DDAH1: variants seen among roughly 807,000 people sequenced by gnomAD.
The protein encoded by DDAH1 is dimethylarginine dimethylaminohydrolase 1, also known as N(G),N(G)-dimethylarginine dimethylaminohydrolase 1.
In DDAH1, 19 loss-of-function variants were observed where a neutral mutation model predicts 28.8. That is an observed-to-expected ratio of 0.66 (90% CI 0.46 to 0.97). The LOEUF is 0.97. Ranked by LOEUF, DDAH1 falls within the 50% of genes least tolerant of loss-of-function variation. DDAH1 has a pLI of 0.00. For synonymous variants in DDAH1, 153 were observed against 154.4 expected (o/e 0.99, Z 0.07); for missense variants, 326 against 375.9 (o/e 0.87, Z 1.10).
intron 1 of DDAH1, among the ~76,000 whole-genome samples, chr1:85,433,619 A>G (rs908864740): frequency 4.1e-4 from 63 of 152,330 alleles, no homozygotes; most frequent in Non-Finnish European, 8.2e-4. Flanking sequence ...CTGGAAAAAA[A>G]TTGAGCAACT....
chr1:85,398,339 C>G (rs977784138), intron 1 of DDAH1: 1 of 152,168 alleles, frequency 6.6e-6, no homozygotes, highest in Admixed American at 6.5e-5. Flanking sequence ...ACAAATTAGT[C>G]TTACTCTGAT....
intron 1 of DDAH1, among the ~76,000 whole-genome samples, chr1:85,364,902 T>G (rs1159930155): frequency 6.6e-6 from 1 of 152,132 alleles, no homozygotes; most frequent in Non-Finnish European, 1.5e-5. Context: ...CGAACAGACA[T>G]TTTGTGTACT....
At chr1:85,503,538 T>G (rs879302093) in intron 1 of DDAH1, among the ~76,000 whole-genome samples, 1 of 149,204 alleles carries the variant, frequency 6.7e-6, no homozygotes, top group African/African-American at 2.4e-5. Flanking sequence ...TCTATCTATC[T>G]ATCTATCTAT....
At chr1:85,576,893 C>G (rs12058326) in intron 1 of DDAH1, 136,981 of 152,660 alleles carry the variant, frequency 0.9, 61,592 homozygotes, top group South Asian at 0.94. Context: ...GGGCGCGGGC[C>G]GCCGCGGCGC....
At chr1:85,407,634 T>TGC (rs1274746931) in intron 1 of DDAH1, among the ~76,000 whole-genome samples, 14 of 152,208 alleles carry the variant, frequency 9.2e-5, no homozygotes, top group Non-Finnish European at 1.6e-4. Flanking sequence ...AAAATAATGG[T>TGC]TTCCTATTCA....
At chr1:85,521,634 C>T (rs1570637836) in intron 1 of DDAH1, 1 of 984,718 alleles carries the variant, frequency 1.0e-6, no homozygotes, top group African/African-American at 1.8e-5. Flanking sequence ...TATCTAGATG[C>T]CTTCCCCCGT....
intron 1 of DDAH1, among the ~76,000 whole-genome samples, chr1:85,541,793 G>C (rs1468402941): frequency 6.6e-6 from 1 of 152,172 alleles, no homozygotes; most frequent in African/African-American, 2.4e-5. Flanking sequence ...TGGTAAAAGA[G>C]ACCTCAGAGA....
At chr1:85,479,323 G>A (rs1235761552) in intron 2 of DDAH1, among the ~76,000 whole-genome samples, 4 of 151,154 alleles carry the variant, frequency 2.6e-5, no homozygotes, top group Admixed American at 1.3e-4. Context: ...ACAGGCGCCC[G>A]CCACCGCGCC....
intron 1 of DDAH1, among the ~76,000 whole-genome samples, chr1:85,511,959 A>C (rs1242033667): frequency 6.6e-6 from 1 of 152,232 alleles, no homozygotes; most frequent in Non-Finnish European, 1.5e-5. Flanking sequence ...AAACTATTCC[A>C]ATCAATAGAA....
At chr1:85,577,210 C>T (rs939776714) in intron 1 of DDAH1, among the ~76,000 whole-genome samples, 4 of 152,100 alleles carry the variant, frequency 2.6e-5, no homozygotes, top group African/African-American at 7.2e-5. Flanking sequence ...CTCTCCGCTC[C>T]CTCCGCAGGG....
intron 1 of DDAH1, among the ~76,000 whole-genome samples, chr1:85,387,625 C>G (rs907263241): frequency 6.6e-6 from 1 of 152,198 alleles, no homozygotes; most frequent in African/African-American, 2.4e-5. Context: ...AAGTTCCAAA[C>G]TTTCCCTTGT....
intron 1 of DDAH1, among the ~76,000 whole-genome samples, chr1:85,439,899 G>A (rs1163722132): frequency 6.6e-6 from 1 of 152,160 alleles, no homozygotes; most frequent in Non-Finnish European, 1.5e-5. Context: ...ATGCTAATAA[G>A]ACTACAGCAT....
Position 85,321,338 on chromosome 1 carries a change from A to C in DDAH1, c.*114T>G. On this transcript the variant is annotated 3_prime_UTR_variant, in exon 6 of 6. Coordinates refer to ENST00000284031, the MANE Select transcript of DDAH1 (RefSeq NM_012137.4). ...CAACTTAGAATCAAATTTTGTAAACAAGAGTTAGTAGCACAGTGGCACAGT... is the reference window on the plus strand; with the variant it reads ...CAACTTAGAATCAAATTTTGTAAACCAGAGTTAGTAGCACAGTGGCACAGT... 1.4e-6 allele frequency: 1 copy of C among 703,344 alleles called. No individual in the cohort carries two copies. The highest frequency in any genetic ancestry group is 2.2e-5 in the Admixed American group (1 of 45,608). 43.6% of individuals were successfully genotyped at this position (703,344 alleles called of 1,614,324 possible).
chr1:85,343,705 G>A (rs1648656135), intron 4 of DDAH1, among the ~76,000 whole-genome samples: 1 of 152,172 alleles, frequency 6.6e-6, no homozygotes, highest in African/African-American at 2.4e-5. Flanking sequence ...GAGCTAGTTA[G>A]TTCTCATTCT....
chr1:85,573,628 C>A (rs1400112290), intron 1 of DDAH1, among the ~76,000 whole-genome samples: 1 of 152,146 alleles, frequency 6.6e-6, no homozygotes, highest in African/African-American at 2.4e-5. Context: ...GATATGGATG[C>A]CCTAAAAAAG....
chr1:85,572,139 T>C (rs1352705116), intron 1 of DDAH1, among the ~76,000 whole-genome samples: 1 of 152,204 alleles, frequency 6.6e-6, no homozygotes, highest in Admixed American at 6.5e-5. Flanking sequence ...ACCTCTGTTC[T>C]GACACATCTC....
chr1:85,476,468 G>A (rs540421364), intron 2 of DDAH1, among the ~76,000 whole-genome samples: 63 of 152,198 alleles, frequency 4.1e-4, no homozygotes, highest in African/African-American at 1.5e-3. Context: ...TAGTGCCTCA[G>A]TGTTGTTCAG....
At position 85,543,190 on chromosome 1, in the gene DDAH1, TG is replaced by T. The variant is rs1013564652; in HGVS notation, c.-123+34793del. On this transcript the variant is annotated intron_variant, in intron 1 of 6. Coordinates refer to the DDAH1 transcript ENST00000426972. The stretch of plus-strand genomic sequence containing the variant: ...GACAAAAATGATTCAACCCTTCCAT[TG>T]GTTTCTATTTCCTCTCTCATCTCAA... Among the ~76,000 whole-genome samples the T allele has an allele frequency of 2.9e-4, 44 of 152,190 alleles. 1 individual carries two copies. Among genetic ancestry groups the T allele is most frequent in the South Asian group, 2.1e-4 (1 of 4,824 alleles).
chr1:85,530,211 A>G (rs1658042027), intron 1 of DDAH1, among the ~76,000 whole-genome samples: 1 of 152,230 alleles, frequency 6.6e-6, no homozygotes, highest in Admixed American at 6.5e-5. Flanking sequence ...TCCAAAGTAT[A>G]TAGTAAGCGT....
Sources: gnomAD v4.1 joint callset for allele counts (sites outside exome capture counted in the v4.1 genomes callset) on GRCh38, gnomAD v4.1.1 for gene constraint, MANE v1.5 for transcripts, NCBI Gene and HGNC (gene_info 2026-07-23, HGNC 2026-07-21) for gene names.